UBE2E2: variants seen among roughly 807,000 people sequenced by gnomAD.
The protein encoded by UBE2E2 is ubiquitin-conjugating enzyme E2 E2.
A neutral mutation model predicts 24.7 loss-of-function variants in UBE2E2; 6 were observed. That is an observed-to-expected ratio of 0.24 (90% CI 0.13 to 0.48). The LOEUF (loss-of-function observed/expected upper bound fraction) is 0.48. Among genes scored for constraint, UBE2E2 ranks in the 20% least tolerant of loss-of-function variants. The pLI is 0.99. For missense variants in UBE2E2, 169 were observed against 245.0 expected, an observed-to-expected ratio of 0.69 and a Z score of 2.07; for synonymous variants, 104 against 83.6, an observed-to-expected ratio of 1.24 and a Z score of -1.33.
intron 3 of UBE2E2, among the ~76,000 whole-genome samples, chr3:23,311,408 A>G (rs1186270790): frequency 6.6e-6 from 1 of 152,200 alleles, no homozygotes; most frequent in African/African-American, 2.4e-5. Context: ...GGCTGGGTCA[A>G]ATGGTATTTC....
chr3:23,449,979 A>G (rs1165838138), intron 3 of UBE2E2: 2 of 957,880 alleles, frequency 2.1e-6, no homozygotes, highest in Admixed American at 1.2e-4. Flanking sequence ...GCCCACTGCT[A>G]CCCTGCCACG....
chr3:23,530,740 T>G (rs903375505), intron 4 of UBE2E2, among the ~76,000 whole-genome samples: 6 of 152,314 alleles, frequency 3.9e-5, no homozygotes, highest in Non-Finnish European at 5.9e-5. Context: ...CTAATTGATA[T>G]AAGGGCGCTC....
intron 2 of UBE2E2, among the ~76,000 whole-genome samples, chr3:23,209,251 A>T (rs1157758983): frequency 6.6e-6 from 1 of 152,196 alleles, no homozygotes; most frequent in Non-Finnish European, 1.5e-5. Context: ...GTAGTTACTG[A>T]GTGAGTGACA....
intron 3 of UBE2E2, among the ~76,000 whole-genome samples, chr3:23,379,259 TATA>T (rs1160722571): frequency 7.5e-6 from 1 of 132,996 alleles, no homozygotes; most frequent in Non-Finnish European, 1.8e-5. Flanking sequence ...TTTTTTTTAT[TATA>T]CTTTAAGTTT....
At chr3:23,445,481 GA>G (rs1169317556) in intron 3 of UBE2E2, among the ~76,000 whole-genome samples, 2 of 152,112 alleles carry the variant, frequency 1.3e-5, no homozygotes, top group Non-Finnish European at 2.9e-5. Context: ...CCCTCCATTT[GA>G]AATGGATGAC....
chr3:23,479,924 A>G (rs554566313), intron 3 of UBE2E2, among the ~76,000 whole-genome samples: 3 of 152,242 alleles, frequency 2.0e-5, no homozygotes, highest in South Asian at 2.1e-4. Flanking sequence ...AGAAAGCACC[A>G]TCTGGTTGGC....
chr3:23,234,622 G>A (rs1296212563), intron 3 of UBE2E2, among the ~76,000 whole-genome samples: 1 of 152,112 alleles, frequency 6.6e-6, no homozygotes, highest in African/African-American at 2.4e-5. Context: ...GGGGTGGTTG[G>A]GATTGATGCT....
intron 3 of UBE2E2, among the ~76,000 whole-genome samples, chr3:23,469,644 G>C (rs933642434): frequency 2.0e-5 from 3 of 152,146 alleles, no homozygotes; most frequent in Non-Finnish European, 2.9e-5. Context: ...ACAGTTCACT[G>C]GTAGAAGAAG....
intron 4 of UBE2E2, among the ~76,000 whole-genome samples, chr3:23,525,060 C>A (rs1187787836): frequency 6.6e-6 from 1 of 152,230 alleles, no homozygotes; most frequent in African/African-American, 2.4e-5. Context: ...AATCCATTTC[C>A]TTGCCTTTTT....
intron 5 of UBE2E2, among the ~76,000 whole-genome samples, chr3:23,536,262 A>T (rs116729088): frequency 0.03 from 4,529 of 152,306 alleles, 107 homozygotes; most frequent in East Asian, 0.13. Context: ...TGGGTATTTT[A>T]CCTCATGCAA....
intron 4 of UBE2E2, among the ~76,000 whole-genome samples, chr3:23,513,492 A>G (rs1262552926): frequency 2.0e-5 from 3 of 152,072 alleles, no homozygotes; most frequent in Non-Finnish European, 2.9e-5. Context: ...ATCTTTTGCC[A>G]TCACAAATAA....
At chr3:23,242,208 A>AG (rs1284398219) in intron 3 of UBE2E2, among the ~76,000 whole-genome samples, 1 of 152,176 alleles carries the variant, frequency 6.6e-6, no homozygotes, top group African/African-American at 2.4e-5. Flanking sequence ...CTGGGATTAT[A>AG]GGCATGAATC....
intron 3 of UBE2E2, among the ~76,000 whole-genome samples, chr3:23,492,245 G>A (rs1337071742): frequency 6.6e-6 from 1 of 152,170 alleles, no homozygotes; most frequent in Non-Finnish European, 1.5e-5. Flanking sequence ...GGACATAGGT[G>A]CAATATATAG....
In UBE2E2 at chr3:23,579,463, G is replaced by A; in HGVS notation, c.509-10271G>A. On this transcript the variant is annotated intron_variant, in intron 5 of 5. Coordinates refer to ENST00000396703, the MANE Select transcript of UBE2E2 (RefSeq NM_152653.4). ...CCCAGTGCTTTGGGAGGCTAGGTGG[G>A]AGGATCACTTGAGGCCAGGAGTTTG... is the stretch of plus-strand genomic sequence containing the variant. Among the ~76,000 whole-genome samples the A allele has an allele frequency of 1.3e-5, 2 of 150,874 alleles. 1 individual carries two copies. The highest frequency in any genetic ancestry group is 3.9e-4 in the East Asian group (2 of 5,086).
At chr3:23,341,455 G>A (rs1215656295) in intron 3 of UBE2E2, among the ~76,000 whole-genome samples, 3 of 152,106 alleles carry the variant, frequency 2.0e-5, no homozygotes, top group Admixed American at 6.5e-5. Flanking sequence ...ATGAACTCTG[G>A]TAGTTATAAA....
intron 3 of UBE2E2, among the ~76,000 whole-genome samples, chr3:23,443,158 T>TC (rs1207414636): frequency 1.3e-5 from 2 of 152,156 alleles, no homozygotes; most frequent in African/African-American, 4.8e-5. Flanking sequence ...ACTCTGTCTT[T>TC]CCCTCTGAGT....
intron 3 of UBE2E2, among the ~76,000 whole-genome samples, chr3:23,292,222 T>C (rs192004759): frequency 1.1e-4 from 16 of 152,236 alleles, no homozygotes; most frequent in Non-Finnish European, 2.2e-4. Flanking sequence ...AGCAGTCTTC[T>C]TGTGTCAGTC....
chr3:23,369,803 A>G (rs769244497), intron 3 of UBE2E2, among the ~76,000 whole-genome samples: 2 of 152,216 alleles, frequency 1.3e-5, no homozygotes, highest in African/African-American at 2.4e-5. Flanking sequence ...ATGTTTTTAT[A>G]TACCCTGAAA....
intron 5 of UBE2E2, among the ~76,000 whole-genome samples, chr3:23,557,486 A>G (rs1263246213): frequency 6.6e-6 from 1 of 152,126 alleles, no homozygotes; most frequent in Non-Finnish European, 1.5e-5. Context: ...ACACACTCAC[A>G]CACAGACCCA....
Sources: gnomAD v4.1 joint callset for allele counts (sites outside exome capture counted in the v4.1 genomes callset) on GRCh38, gnomAD v4.1.1 for gene constraint, MANE v1.5 for transcripts, NCBI Gene and HGNC (gene_info 2026-07-23, HGNC 2026-07-21) for gene names.